The following GRIN2A variants were observed in gnomAD, a reference collection of about 807,000 sequenced individuals.
The protein encoded by GRIN2A is glutamate receptor ionotropic, NMDA 2A.
A neutral mutation model predicts 113.4 loss-of-function variants in GRIN2A; 22 were observed. The ratio of observed to expected loss-of-function variants is 0.19; its 90% CI spans 0.14 to 0.28. The LOEUF (loss-of-function observed/expected upper bound fraction) is 0.28. Ranked by LOEUF, GRIN2A falls within the 10% of genes least tolerant of loss-of-function variation. GRIN2A has a pLI of 1.00. For missense variants in GRIN2A, 1,502 were observed against 1,887.0 expected (o/e 0.80, Z 3.78); for synonymous variants, 827 against 738.4 (o/e 1.12, Z -1.94).
intron 3 of GRIN2A, among the ~76,000 whole-genome samples, chr16:9,937,403 G>A (rs566368069): frequency 6.6e-6 from 1 of 152,192 alleles, no homozygotes; most frequent in African/African-American, 2.4e-5. Context: ...TTAGGGGATG[G>A]ATACCCCATT....
At chr16:9,920,294 T>G (rs1328853454) in intron 3 of GRIN2A, among the ~76,000 whole-genome samples, 1 of 152,162 alleles carries the variant, frequency 6.6e-6, no homozygotes, top group Non-Finnish European at 1.5e-5. Flanking sequence ...TAGGTGAACA[T>G]GGGTAACAGA....
At chr16:9,812,390 G>C (rs1367425391) in intron 10 of GRIN2A, among the ~76,000 whole-genome samples, 1 of 152,194 alleles carries the variant, frequency 6.6e-6, no homozygotes, top group African/African-American at 2.4e-5. Context: ...TGTAATCCCA[G>C]CACTTTGGGA....
chr16:9,876,862 A>T (rs554332820), intron 4 of GRIN2A, among the ~76,000 whole-genome samples: 1 of 152,094 alleles, frequency 6.6e-6, no homozygotes, highest in African/African-American at 2.4e-5. Flanking sequence ...GGATAAATGG[A>T]TGGGAAAATG....
intron 10 of GRIN2A, among the ~76,000 whole-genome samples, chr16:9,817,226 T>A (rs1004018542): frequency 6.6e-6 from 1 of 152,218 alleles, no homozygotes; most frequent in African/African-American, 2.4e-5. Context: ...CTCAGCTCTG[T>A]TGCACAATGA....
At chr16:10,103,124 A>G (rs1463373408) in intron 2 of GRIN2A, among the ~76,000 whole-genome samples, 1 of 152,096 alleles carries the variant, frequency 6.6e-6, no homozygotes, top group Non-Finnish European at 1.5e-5. Context: ...ACTCGCAACT[A>G]TGAGGAATAG....
chr16:10,160,101 T>C (rs1178731907), intron 2 of GRIN2A, among the ~76,000 whole-genome samples: 8 of 152,144 alleles, frequency 5.3e-5, no homozygotes, highest in Admixed American at 4.6e-4. Context: ...TGTAAGAGGG[T>C]AAAAGTGCGT....
intron 2 of GRIN2A, 51 bp from the exon 3 acceptor site, chr16:9,938,602 A>G (rs371711700): frequency 2.7e-4 from 364 of 1,326,658 alleles, no homozygotes; most frequent in Non-Finnish European, 3.5e-4. Flanking sequence ...GGTGGTTTAT[A>G]TAGAAGCACA....
chr16:10,059,387 A>G (rs772057238), intron 2 of GRIN2A, among the ~76,000 whole-genome samples: 28 of 149,152 alleles, frequency 1.9e-4, no homozygotes, highest in Admixed American at 1.5e-3. Flanking sequence ...TCCAAGTAAG[A>G]GAGTGGTGAC....
rs144564542 is a variant in GRIN2A at position 10,047,704 on chromosome 16, T to C, written c.415-109153A>G. On this transcript the variant is annotated intron_variant, in intron 2 of 12. Coordinates refer to ENST00000330684, the MANE Select transcript of GRIN2A (RefSeq NM_001134407.3). The stretch of plus-strand genomic sequence containing the variant: ...AATATTGGACCCCACATTGCCAGCA[T>C]GCATGGTGGGTCAGAAGTGTCTGAG... Among the ~76,000 whole-genome samples the C allele has an allele frequency of 7.9e-5, 12 of 152,346 alleles. No homozygotes were observed. In the East Asian group the frequency reaches 1.9e-3, roughly 24 times the overall value.
At chr16:10,073,920 CAAAAAA>C (rs371987747) in intron 2 of GRIN2A, among the ~76,000 whole-genome samples, 3 of 130,348 alleles carry the variant, frequency 2.3e-5, no homozygotes, top group Non-Finnish European at 3.2e-5. Flanking sequence ...ACCCCCGTCA[CAAAAAA>C]AAAAAAAACG....
chr16:10,036,436 AC>A (rs1403536109), intron 2 of GRIN2A, among the ~76,000 whole-genome samples: 4 of 85,350 alleles, frequency 4.7e-5, no homozygotes, highest in African/African-American at 1.3e-4. Context: ...ATTAGTACTT[AC>A]TTTTTTTTTT....
intron 10 of GRIN2A, among the ~76,000 whole-genome samples, chr16:9,809,844 G>C (rs1343735322): frequency 3.3e-5 from 5 of 152,190 alleles, no homozygotes; most frequent in African/African-American, 1.2e-4. Context: ...GAGGAGGGTG[G>C]ATCCCCTGAG....
chr16:9,883,272 A>G (rs1422326949), intron 4 of GRIN2A, among the ~76,000 whole-genome samples: 2 of 152,196 alleles, frequency 1.3e-5, no homozygotes, highest in Non-Finnish European at 1.5e-5. Context: ...GTCGATACCA[A>G]CAGATCATAG....
chr16:10,013,428 T>G (rs2046546242), intron 2 of GRIN2A, among the ~76,000 whole-genome samples: 1 of 152,250 alleles, frequency 6.6e-6, no homozygotes, highest in African/African-American at 2.4e-5. Flanking sequence ...TCAAAGGGTC[T>G]GCTCTCAAGC....
chr16:10,085,153 C>T (rs1247358468), intron 2 of GRIN2A, among the ~76,000 whole-genome samples: 1 of 152,134 alleles, frequency 6.6e-6, no homozygotes, highest in African/African-American at 2.4e-5. Flanking sequence ...ACTGAAGAAA[C>T]ACGAGGTTCA....
intron 6 of GRIN2A, 29 bp from the exon 7 acceptor site, chr16:9,840,829 A>T (rs2042662655): frequency 7.1e-7 from 1 of 1,413,684 alleles, no homozygotes. Context: ...AAAAAAAAAA[A>T]AAAAGAGAGA....
At chr16:9,970,183 C>T (rs2045643262) in intron 2 of GRIN2A, among the ~76,000 whole-genome samples, 1 of 152,216 alleles carries the variant, frequency 6.6e-6, no homozygotes, top group South Asian at 2.1e-4. Flanking sequence ...ATACAACCTG[C>T]TAGGCCTCCA....
chr16:9,919,226 A>T (rs530579918), intron 3 of GRIN2A, among the ~76,000 whole-genome samples: 4 of 152,272 alleles, frequency 2.6e-5, no homozygotes, highest in African/African-American at 9.6e-5. Flanking sequence ...TAGATTTCAG[A>T]TAAAGTCAGA....
chr16:10,099,057 G>C (rs185424904), intron 2 of GRIN2A, among the ~76,000 whole-genome samples: 119 of 151,742 alleles, frequency 7.8e-4, no homozygotes, highest in Admixed American at 1.4e-3. Flanking sequence ...TTTAGAAAAT[G>C]CTCAAAAAAA....
Sources: gnomAD v4.1 joint callset for allele counts (sites outside exome capture counted in the v4.1 genomes callset) on GRCh38, gnomAD v4.1.1 for gene constraint, MANE v1.5 for transcripts, NCBI Gene and HGNC (gene_info 2026-07-23, HGNC 2026-07-21) for gene names.